MED1: variants seen among roughly 807,000 people sequenced by gnomAD.
MED1 encodes the protein mediator of RNA polymerase II transcription subunit 1.
In MED1, 17 loss-of-function variants were observed where a neutral mutation model predicts 121.3. The observed-to-expected ratio is 0.14, with a 90% CI of 0.10 to 0.21. The LOEUF (loss-of-function observed/expected upper bound fraction) is 0.21, where lower values mean the gene tolerates loss of function less well. Among genes scored for constraint, MED1 ranks in the 10% least tolerant of loss-of-function variants. MED1 has a pLI of 1.00. For synonymous variants in MED1, 661 were observed against 694.4 expected (o/e 0.95, Z 0.76); for missense variants, 1,558 against 1,919.4 (o/e 0.81, Z 3.52).
In MED1 at chr17:39,408,670, G is replaced by A. The variant is rs1440567621; in HGVS notation, c.3551C>T (p.Pro1184Leu). ...GGATATGTTTGGTTTACTTAAAGAAGGATTCATAAGTGATGATGGCTTTCC... is the reference window on the plus strand; with the variant it reads ...GGATATGTTTGGTTTACTTAAAGAAAGATTCATAAGTGATGATGGCTTTCC... ...PQGKPSSLMN[P>L]SLSKPNISPS... is the part of the protein sequence containing the mutation. Residue 1184 changes from proline (P) to leucine (L), a missense_variant, in exon 17 of 17, where the codon CCT (proline) becomes CTT (leucine). Pro to Leu is a moderately conservative substitution (Grantham distance 98). This residue lies in a region of MED1 where 793 missense variants were observed against 898.2 expected (regional missense o/e 0.88). Coordinates refer to ENST00000300651, the MANE Select transcript of MED1 (RefSeq NM_004774.4). The surrounding 1 kb of genome is among the most constrained non-coding windows in gnomAD (Gnocchi z 4.7). The A allele has an allele frequency of 6.2e-7, 1 of 1,614,166 alleles. No individual in the cohort carries two copies. Among genetic ancestry groups the A allele is most frequent in the Admixed American group, 1.7e-5 (1 of 60,016 alleles).
chr17:39,406,341 C>T lies in MED1; in HGVS notation c.*1134G>A, dbSNP rs2048303199. On this transcript the variant is annotated 3_prime_UTR_variant, in exon 17 of 17. Coordinates refer to ENST00000300651, the MANE Select transcript of MED1 (RefSeq NM_004774.4). Reference sequence around the variant, plus strand: ...AGTGGAGTGATTAAAGTTTGGACTCCTTCTCCTTGTGATGAAGAGAAACAG... The same window carrying T: ...AGTGGAGTGATTAAAGTTTGGACTCTTTCTCCTTGTGATGAAGAGAAACAG... The T allele has an allele frequency of 1.0e-6, 1 of 985,472 alleles. No individual in the cohort carries two copies. Among genetic ancestry groups the T allele is most frequent in the Non-Finnish European group, 1.2e-6 (1 of 829,910 alleles). The allele number at this position is 985,472 out of a possible 1,614,324, so 61.0% of individuals were successfully genotyped here.
rs778207044 is a variant in MED1 at position 39,431,135 on chromosome 17, T to C, written c.629A>G (p.Tyr210Cys). The change falls in exon 9 of 17, where the codon TAT becomes TGT. Residue 210 changes from tyrosine to cysteine, a missense_variant. By Grantham distance (194) the Tyr-to-Cys change is radical (BLOSUM62 -2). Coordinates refer to ENST00000300651, the MANE Select transcript of MED1 (RefSeq NM_004774.4). Reference sequence around the variant, plus strand: ...CGTACCCCCACTCCTTGGTGTGAGATAGCCAACACTTCCATGAAGAATCTT... The same window carrying C: ...CGTACCCCCACTCCTTGGTGTGAGACAGCCAACACTTCCATGAAGAATCTT... ...LDKILHGSVGYLTPRSGGHLM... is the reference protein window; with the variant it reads ...LDKILHGSVGCLTPRSGGHLM... 2 of 1,613,546 alleles carry C rather than the reference T, an allele frequency of 1.2e-6. No individual in the cohort carries two copies. The highest frequency in any genetic ancestry group is 1.7e-6 in the Non-Finnish European group (2 of 1,179,496).
intron 9 of MED1, among the ~76,000 whole-genome samples, chr17:39,428,194 C>G (rs1446294760): frequency 1.3e-5 from 2 of 151,944 alleles, no homozygotes; most frequent in Non-Finnish European, 2.9e-5. Context: ...ACTAAAAATA[C>G]AAAAAATTGG....
At position 39,409,488 on chromosome 17, in the gene MED1, A is replaced by G. The variant is rs774248837; in HGVS notation, c.2733T>C (p.Leu911=). 2 of 1,614,044 alleles carry G rather than the reference A, an allele frequency of 1.2e-6. No individual in the cohort carries two copies. Among genetic ancestry groups the G allele is most frequent in the Non-Finnish European group, 1.7e-6 (2 of 1,180,010 alleles). Residue 911 remains leucine (L), a synonymous_variant, in exon 17 of 17, where the codon CTT becomes CTC. Coordinates refer to ENST00000300651, the MANE Select transcript of MED1 (RefSeq NM_004774.4). ...QALNTLGVPM[L]GGDNGETKFK... is the part of the protein sequence containing the mutation. ...ACTTGGTCTCCCCATTATCACCTCC[A>G]AGCATTGGCACCCCCAAAGTATTTA... is the stretch of plus-strand genomic sequence containing the variant.
Position 39,408,585 on chromosome 17 carries a change from A to C in MED1, c.3636T>G (p.Val1212=), listed in dbSNP as rs1361162884. 6.2e-7 allele frequency: 1 copy of C among 1,614,192 alleles called. No homozygotes were observed. Residue 1212 remains valine, a synonymous_variant, in exon 17 of 17, where the codon GTT becomes GTG. Transcript: ENST00000300651. The surrounding 1 kb of genome is among the most constrained non-coding windows in gnomAD (Gnocchi z 4.7). ...SDKLASPMKP[V]PGTPPSSKAK... is the part of the protein sequence containing the mutation. The stretch of plus-strand genomic sequence containing the variant: ...CTTTAGAGGATGGAGGAGTTCCAGG[A>C]ACAGGCTTCATTGGAGAGGCAAGCT...
rs142837898 is a variant in MED1 at position 39,423,703 on chromosome 17, A to C, written c.970T>G (p.Cys324Gly). 2.5e-6 allele frequency: 4 copies of C among 1,613,850 alleles called. No individual in the cohort carries two copies. The African/African-American group carries it at 5.3e-5, about 22-fold the overall frequency. Residue 324 changes from cysteine to glycine, a missense_variant, in exon 12 of 17, where the codon TGC (cysteine) becomes GGC (glycine). By Grantham distance (159) the Cys-to-Gly change is radical. Around this residue, in one of 5 missense-constraint regions of MED1, gnomAD observed 443 missense variants for 532.4 expected, o/e 0.83. Transcript: ENST00000300651. ...CCTGATGCTCAAAACTCACCTGTGC[A>C]GTTCTGCAGTTTCTGAACAAATGCT... ...SRAFVQKLQN[C>G]TGIPLFETQP...
chr17:39,420,638 T>C, intron 13 of MED1, among the ~76,000 whole-genome samples: 1 of 151,908 alleles, frequency 6.6e-6, no homozygotes. Context: ...CTTATTATTA[T>C]TATTATTACT....
intron 2 of MED1, among the ~76,000 whole-genome samples, chr17:39,444,290 C>A (rs771077461): frequency 1.3e-5 from 2 of 150,022 alleles, no homozygotes; most frequent in Non-Finnish European, 3.0e-5. Flanking sequence ...GGGTGGATCA[C>A]GAGGTCAAGA....
intron 3 of MED1, among the ~76,000 whole-genome samples, 172 bp downstream of exon 3, chr17:39,443,378 T>C (rs1192338084): frequency 2.0e-5 from 3 of 152,146 alleles, no homozygotes. Flanking sequence ...CAAAAATAAA[T>C]GTTTCAAACT....
chr17:39,423,599 A>G (rs1460334984), intron 12 of MED1, 98 bp downstream of exon 12: 3 of 1,532,268 alleles, frequency 2.0e-6, no homozygotes, highest in Admixed American at 1.7e-5. Flanking sequence ...TAATACTTCA[A>G]TGAGGCATGT....
intron 9 of MED1, among the ~76,000 whole-genome samples, chr17:39,428,653 TAAAG>T (rs2048536983): frequency 6.8e-6 from 1 of 147,816 alleles, no homozygotes; most frequent in African/African-American, 2.5e-5. Context: ...AAATAAAAAA[TAAAG>T]AAATATGACA....
At chr17:39,426,172 C>T (rs1011448742) in intron 10 of MED1, among the ~76,000 whole-genome samples, 2 of 151,878 alleles carry the variant, frequency 1.3e-5, no homozygotes, top group Admixed American at 6.6e-5. Context: ...AGGAGCCTGA[C>T]GCCAAGGCTC....
In MED1 at chr17:39,423,771, G is replaced by A. The variant is rs1172615405; in HGVS notation, c.902C>T (p.Ala301Val). ...CTGGGGAAATTTCAAGAAGAAACAG[G>A]CAGGAAGATCAACACTGTTGGCACT... is the stretch of plus-strand genomic sequence containing the variant. ...ITSANSVDLP[A>V]CFFLKFPQPI... The change falls in exon 12 of 17, where the codon GCC becomes GTC. Residue 301 changes from alanine to valine, a missense_variant. Physicochemically the swap from Ala to Val is moderately conservative, Grantham distance 64 (BLOSUM62 0). This residue lies in a region of MED1 where 443 missense variants were observed against 532.4 expected (regional missense o/e 0.83). Transcript: ENST00000300651. 1.2e-6 allele frequency: 2 copies of A among 1,613,912 alleles called. No individual in the cohort carries two copies. The highest frequency in any genetic ancestry group is 1.7e-6 in the Non-Finnish European group (2 of 1,179,948).
At position 39,423,341 on chromosome 17, in the gene MED1, T is replaced by C; in HGVS notation, c.1081A>G (p.Met361Val). ...DPDPIPLNHNMRFYAALPGQQ... is the reference protein window; with the variant it reads ...DPDPIPLNHNVRFYAALPGQQ... ...GCTTTACTTACAGCATAAAATCTCA[T>C]GTTGTGATTCAAAGGTATGGGGTCA... is the stretch of plus-strand genomic sequence containing the variant. The change falls in exon 13 of 17, where the codon ATG (methionine) becomes GTG (valine). Residue 361 changes from methionine (M) to valine (V), a missense_variant. Transcript: ENST00000300651. The C allele has an allele frequency of 1.2e-6, 2 of 1,606,018 alleles. No homozygotes were observed. Among genetic ancestry groups the C allele is most frequent in the Non-Finnish European group, 1.7e-6 (2 of 1,172,692 alleles).
At position 39,440,608 on chromosome 17, in the gene MED1, A is replaced by C. The variant is rs1233501689; in HGVS notation, c.266+15T>G. 2 of 1,612,962 alleles carry C rather than the reference A, an allele frequency of 1.2e-6. No homozygotes were observed. The highest frequency in any genetic ancestry group is 1.7e-6 in the Non-Finnish European group (2 of 1,179,228). On this transcript the variant is annotated intron_variant, in intron 4 of 16. Transcript: ENST00000300651. This position sits in a 1 kb window ranked among gnomAD's most constrained non-coding sequence, Gnocchi z 4.1. ...CACTAAGTTAAACATTTCTGCCTAC[A>C]GAAAGACTACTTACCCATTCTGTCT...
At chr17:39,422,839 T>C (rs1035824648) in intron 13 of MED1, among the ~76,000 whole-genome samples, 2 of 149,700 alleles carry the variant, frequency 1.3e-5, no homozygotes, top group African/African-American at 2.4e-5. Context: ...CATGCCCTTT[T>C]ACTTCAATAC....
intron 2 of MED1, among the ~76,000 whole-genome samples, chr17:39,446,774 A>G (rs927323506): frequency 2.0e-5 from 3 of 151,638 alleles, no homozygotes; most frequent in African/African-American, 7.3e-5. Flanking sequence ...CTCCATCTCA[A>G]AGAAAAAAAA....
At chr17:39,439,368 G>A (rs1295334532) in intron 5 of MED1, among the ~76,000 whole-genome samples, 175 bp from the exon 6 acceptor site, 1 of 152,158 alleles carries the variant, frequency 6.6e-6, no homozygotes, top group Non-Finnish European at 1.5e-5. Flanking sequence ...TGAACCACAG[G>A]ATTAGGGTGA....
chr17:39,411,848 A>G (rs956183475), intron 16 of MED1, among the ~76,000 whole-genome samples: 1 of 151,944 alleles, frequency 6.6e-6, no homozygotes, highest in Non-Finnish European at 1.5e-5. Flanking sequence ...AAAAAAAGAA[A>G]AAATACAAAA....
Sources: gnomAD v4.1 joint callset for allele counts (sites outside exome capture counted in the v4.1 genomes callset) on GRCh38, gnomAD v4.1.1 for gene constraint, gnomAD v4.1.1 regional missense constraint, Gnocchi (gnomAD v3.1) non-coding constraint, MANE v1.5 for transcripts, NCBI Gene and HGNC (gene_info 2026-07-23, HGNC 2026-07-21) for gene names.